The following RNASEH2B variants were observed in gnomAD, a reference collection of about 807,000 sequenced individuals.
The protein encoded by RNASEH2B is ribonuclease H2 subunit B, also known as Aicardi-Goutieres syndrome 2 protein.
Under a neutral mutation model 45.0 loss-of-function variants are expected in RNASEH2B, and 36 were observed. The ratio of observed to expected loss-of-function variants is 0.80; its 90% confidence interval spans 0.61 to 1.06. The LOEUF (loss-of-function observed/expected upper bound fraction) is 1.06. Ranked by LOEUF, RNASEH2B falls within the 50% of genes least tolerant of loss-of-function variation. The pLI, the probability that RNASEH2B is intolerant of heterozygous loss-of-function variation, is 0.00. For missense variants in RNASEH2B, 361 were observed against 360.3 expected (o/e 1.00, Z -0.02); for synonymous variants, 119 against 125.7 (o/e 0.95, Z 0.35).
chr13:50,970,245 A>C, exon 10 of RNASEH2B: 1 of 551,980 alleles, frequency 1.8e-6, no homozygotes, highest in Admixed American at 3.7e-5. Flanking sequence ...AGCTTGGGTC[A>C]GGCCAGCATG....
chr13:50,953,810 T>A lies in RNASEH2B; in HGVS notation c.742-95T>A, dbSNP rs1006811280. On this transcript the variant is annotated intron_variant, in intron 9 of 10. Transcript: ENST00000336617. ...GGGTCTGCTGTCCCATTCGCCTCTG[T>A]AGAGGTCTAAATTATACATGTTGGG... is the stretch of plus-strand genomic sequence containing the variant. 1.8e-5 allele frequency: 15 copies of A among 818,184 alleles called. No homozygotes were observed. The African/African-American group carries it at 2.2e-4, about 12-fold the overall frequency. The allele number at this position is 818,184 out of a possible 1,614,324, so 50.7% of individuals were successfully genotyped here. A position where few individuals can be genotyped will look rare whatever the true frequency, so the allele number is the denominator to read the frequency against.
rs559787383 is a variant in RNASEH2B at position 50,919,121 on chromosome 13, C to T, written c.65-8286C>T. Among the ~76,000 whole-genome samples the T allele has an allele frequency of 3.9e-5, 6 of 152,298 alleles. No individual in the cohort carries two copies. The South Asian group carries it at 1.2e-3, about 32-fold the overall frequency. ...TCATAAGAACAATTGGCAAAAATCA[C>T]TTGTCTTGTGTCTTTGAACTTTAAA... On this transcript the variant is annotated intron_variant, in intron 1 of 10. Transcript: ENST00000336617.
At chr13:50,941,037 G>T (rs1017630317) in intron 5 of RNASEH2B, 1 of 152,178 alleles carries the variant, frequency 6.6e-6, no homozygotes, top group Admixed American at 6.5e-5. Context: ...ACAAATCATG[G>T]TTTATTAATT....
intron 1 of RNASEH2B, among the ~76,000 whole-genome samples, chr13:50,925,478 CACAGTTACTTTGAAAGAATTGGAT>C (rs1951581990): frequency 6.6e-6 from 1 of 152,106 alleles, no homozygotes. Flanking sequence ...CATTCTTGGA[CACAGTTACTTTGAAAGAATTGGAT>C]ACTTTTAGGT....
Position 50,945,478 on chromosome 13 carries a change from C to T in RNASEH2B, c.562C>T (p.Arg188Trp), listed in dbSNP as rs765368182. 9.3e-6 allele frequency: 15 copies of T among 1,613,544 alleles called. No homozygotes were observed. Among genetic ancestry groups the T allele is most frequent in the African/African-American group, 5.3e-5 (4 of 74,882 alleles). The change falls in exon 7 of 11, where the codon CGG (arginine) becomes TGG (tryptophan). Residue 188 changes from arginine to tryptophan, a missense_variant. By Grantham distance (101) the Arg-to-Trp change is moderately radical. Coordinates refer to ENST00000336617, the MANE Select transcript of RNASEH2B (RefSeq NM_024570.4). ...AACCAATAATGTGAATGTCAGTTCC[C>T]GGGTACAGTCAACTGCATTTTTCTC... is the stretch of plus-strand genomic sequence containing the variant. ...LKTNNVNVSS[R>W]VQSTAFFSGD...
intron 5 of RNASEH2B, 82 bp downstream of exon 5, chr13:50,935,081 T>C (rs1951730371): frequency 2.4e-6 from 2 of 845,180 alleles, no homozygotes; most frequent in Non-Finnish European, 4.0e-6. Flanking sequence ...ACACACTGAA[T>C]GTAAGGCTTA....
chr13:50,920,758 G>A (rs1407175429), intron 1 of RNASEH2B, among the ~76,000 whole-genome samples: 1 of 152,098 alleles, frequency 6.6e-6, no homozygotes, highest in Admixed American at 6.5e-5. Context: ...GGCTCTTTTA[G>A]TATCAAAACT....
chr13:50,963,435 A>T (rs1952133098), intron 9 of RNASEH2B, among the ~76,000 whole-genome samples: 1 of 152,288 alleles, frequency 6.6e-6, no homozygotes, highest in South Asian at 2.1e-4. Context: ...AAGTGCTGGG[A>T]TTACAGGCCT....
Position 50,930,777 on chromosome 13 carries a change from A to T in RNASEH2B, c.321+18A>T, listed in dbSNP as rs200935335. The T allele has an allele frequency of 6.4e-7, 1 of 1,572,616 alleles. No homozygotes were observed. The highest frequency in any genetic ancestry group is 2.2e-5 in the East Asian group (1 of 44,666). On this transcript the variant is annotated intron_variant, in intron 4 of 10. Coordinates refer to ENST00000336617, the MANE Select transcript of RNASEH2B (RefSeq NM_024570.4). Reference sequence around the variant, plus strand: ...ATAAGGAGGTGAGTTTCCAGCTCGGAGCATCCACAGTGAGGAAACAGAATC... The same window carrying T: ...ATAAGGAGGTGAGTTTCCAGCTCGGTGCATCCACAGTGAGGAAACAGAATC...
intron 9 of RNASEH2B, chr13:50,951,913 A>G (rs1359681441): frequency 6.6e-6 from 1 of 152,162 alleles, no homozygotes; most frequent in Non-Finnish European, 1.5e-5. Flanking sequence ...TGAACAAGTC[A>G]TTTCTCCAAT....
intron 9 of RNASEH2B, chr13:50,969,884 C>CT: frequency 6.5e-7 from 1 of 1,532,268 alleles, no homozygotes; most frequent in Non-Finnish European, 8.9e-7. Context: ...TTTCAGGTGA[C>CT]TGTTTCTCCT....
chr13:50,941,582 T>C (rs1156521575), intron 5 of RNASEH2B: 1 of 152,192 alleles, frequency 6.6e-6, no homozygotes, highest in Admixed American at 6.5e-5. Context: ...TTGGAGTTTT[T>C]TTTTCCTCAG....
At chr13:50,934,533 C>G in intron 4 of RNASEH2B, 1 of 332,030 alleles carries the variant, frequency 3.0e-6, no homozygotes, top group Non-Finnish European at 5.8e-6. Context: ...GTGACCACAG[C>G]TGGTTCTTCA....
rs1359332406 is a variant in RNASEH2B, at chr13:50,970,170, T to C, written c.*206T>C. On this transcript the variant is annotated 3_prime_UTR_variant, in exon 10 of 10. Transcript: ENST00000422660. ...GGCATTCCTCCCTGGAGCACTCAGC[T>C]AGGCGGTTCCGTCCAGGAGCTTGAA... 4.7e-6 allele frequency: 3 copies of C among 633,962 alleles called. No individual in the cohort carries two copies. The African/African-American group carries it at 5.5e-5, about 12-fold the overall frequency. 39.3% of individuals were successfully genotyped at this position (633,962 alleles called of 1,614,324 possible). A position where few individuals can be genotyped will look rare whatever the true frequency, so the allele number is the denominator to read the frequency against.
rs1036691577 is a variant in RNASEH2B, at chr13:50,930,883, G to C, written c.321+124G>C. 3.0e-5 allele frequency: 24 copies of C among 795,934 alleles called. No homozygotes were observed. In the African/African-American group the frequency reaches 3.5e-4, roughly 12 times the overall value. 49.3% of individuals were successfully genotyped at this position (795,934 alleles called of 1,614,324 possible). ...ACCTTCAGATCTATTATAGTGACTA[G>C]AGAAAACATGAATCATATGGGCCAG... On this transcript the variant is annotated intron_variant, in intron 4 of 10. Transcript: ENST00000336617.
chr13:50,947,553 TACTG>T (rs1428176410), intron 7 of RNASEH2B, among the ~76,000 whole-genome samples: 1 of 151,104 alleles, frequency 6.6e-6, no homozygotes, highest in African/African-American at 2.4e-5. Context: ...GTACACTCAT[TACTG>T]TTGAATAATT....
At chr13:50,913,225 G>A (rs943009936) in intron 1 of RNASEH2B, 1 of 152,132 alleles carries the variant, frequency 6.6e-6, no homozygotes, top group Non-Finnish European at 1.5e-5. Flanking sequence ...TCTATAAGAG[G>A]CCATTACTTT....
At chr13:50,940,008 G>A (rs1016448131) in intron 5 of RNASEH2B, among the ~76,000 whole-genome samples, 1 of 152,184 alleles carries the variant, frequency 6.6e-6, no homozygotes, top group Non-Finnish European at 1.5e-5. Context: ...CTACCTGGCT[G>A]TCCACGGCTT....
intron 6 of RNASEH2B, among the ~76,000 whole-genome samples, chr13:50,943,804 G>A (rs541530772): frequency 1.4e-4 from 22 of 152,120 alleles, no homozygotes; most frequent in Non-Finnish European, 2.5e-4. Context: ...AGGTGTTCAG[G>A]TTTAGAGGAA....
Sources: gnomAD v4.1 joint callset for allele counts (sites outside exome capture counted in the v4.1 genomes callset) on GRCh38, gnomAD v4.1.1 for gene constraint, MANE v1.5 for transcripts, NCBI Gene and HGNC (gene_info 2026-07-23, HGNC 2026-07-21) for gene names.